The following ARFGEF2 variants were observed in gnomAD, a reference collection of about 807,000 sequenced individuals.
The protein encoded by ARFGEF2 is ARF guanine nucleotide exchange factor 2.
ARFGEF2 carries 74 observed loss-of-function variants against 219.9 expected under a neutral mutation model. That is an observed-to-expected ratio of 0.34 (90% CI 0.28 to 0.41). ARFGEF2 has a LOEUF of 0.41. Among genes scored for constraint, ARFGEF2 ranks in the 10% least tolerant of loss-of-function variants. The pLI is 1.00. For synonymous variants in ARFGEF2, 733 were observed against 799.2 expected (o/e 0.92, Z 1.40); for missense variants, 1,743 against 2,218.3 (o/e 0.79, Z 4.30).
In ARFGEF2 at chr20:49,032,042, C is replaced by T. The variant is rs2091639339; in HGVS notation, c.5064-7C>T. On this transcript the variant is annotated splice_region_variant and splice_polypyrimidine_tract_variant and intron_variant, in intron 37 of 38. Transcript: ENST00000371917. The stretch of plus-strand genomic sequence containing the variant: ...TTGATATGCCTCCCCCTCTCTAATT[C>T]TTCTAGTGTTTGCAGTGAAGCTCTT... 1 of 1,602,284 alleles carries T rather than the reference C, an allele frequency of 6.2e-7. No homozygotes were observed. Among genetic ancestry groups the T allele is most frequent in the South Asian group, 1.1e-5 (1 of 90,832 alleles).
intron 1 of ARFGEF2, among the ~76,000 whole-genome samples, chr20:48,932,133 G>A (rs1789179432): frequency 6.6e-6 from 1 of 152,146 alleles, no homozygotes; most frequent in South Asian, 2.1e-4. Flanking sequence ...GGCGGATAGG[G>A]ATGGGAGGTG....
intron 3 of ARFGEF2, 108 bp downstream of exon 3, chr20:48,942,095 C>T (rs1019784976): frequency 1.1e-5 from 15 of 1,424,762 alleles, no homozygotes; most frequent in South Asian, 1.2e-5. Context: ...CTGTCAGAGG[C>T]GATGCAGAAA....
chr20:49,016,021 T>C (rs1431653718), intron 30 of ARFGEF2, among the ~76,000 whole-genome samples: 2 of 152,228 alleles, frequency 1.3e-5, no homozygotes, highest in Non-Finnish European at 2.9e-5. Context: ...AAAATTTAGC[T>C]TTTAAGTAAC....
intron 5 of ARFGEF2, 105 bp downstream of exon 5, chr20:48,952,989 C>T: frequency 8.4e-7 from 1 of 1,184,828 alleles, no homozygotes; most frequent in South Asian, 1.2e-5. Context: ...TTTAAAGCTA[C>T]CCCTTCTTCC....
chr20:49,006,877 G>GTT (rs763801014), intron 26 of ARFGEF2, among the ~76,000 whole-genome samples: 2 of 147,094 alleles, frequency 1.4e-5, no homozygotes, highest in Non-Finnish European at 3.0e-5. Flanking sequence ...GCCGTTGGAG[G>GTT]TTTTTGTTTT....
At chr20:48,926,029 C>T (rs1014105522) in intron 1 of ARFGEF2, among the ~76,000 whole-genome samples, 2 of 152,176 alleles carry the variant, frequency 1.3e-5, no homozygotes, top group Admixed American at 6.5e-5. Context: ...GTAAAGTGGG[C>T]TTTTCATGCA....
Position 48,972,420 on chromosome 20 carries a change from G to A in ARFGEF2, c.1520G>A (p.Cys507Tyr). Residue 507 changes from cysteine (C) to tyrosine (Y), a missense_variant, in exon 11 of 39, where the codon TGT (cysteine) becomes TAT (tyrosine). Cys to Tyr is a radical substitution (Grantham distance 194, BLOSUM62 -2). Around this residue, in one of 5 missense-constraint regions of ARFGEF2, gnomAD observed 666 missense variants for 955.4 expected, o/e 0.70. Transcript: ENST00000371917. ...GTCATTCAGACTCTGACGAGGATCT[G>A]TGCAGGTATTTCCACCTGGGGACAC... Reference protein sequence around the residue: ...WMVIQTLTRICADAQCVVDIY... With the variant: ...WMVIQTLTRIYADAQCVVDIY... The A allele has an allele frequency of 6.2e-7, 1 of 1,613,048 alleles. No individual in the cohort carries two copies. Among genetic ancestry groups the A allele is most frequent in the Non-Finnish European group, 8.5e-7 (1 of 1,179,048 alleles).
At chr20:48,973,477 AAAAT>A (rs2091241103) in intron 12 of ARFGEF2, among the ~76,000 whole-genome samples, 193 bp downstream of exon 12, 1 of 152,202 alleles carries the variant, frequency 6.6e-6, no homozygotes, top group Non-Finnish European at 1.5e-5. Context: ...GCTGCAGAGA[AAAAT>A]AAAGCAGGGA....
intron 30 of ARFGEF2, 146 bp downstream of exon 30, chr20:49,014,106 TGATAC>T: frequency 9.7e-7 from 1 of 1,027,120 alleles, no homozygotes; most frequent in East Asian, 2.5e-5. Context: ...AACACCTTTC[TGATAC>T]TCTCCTACCA....
intron 27 of ARFGEF2, among the ~76,000 whole-genome samples, 160 bp downstream of exon 27, chr20:49,010,564 C>G (rs1445094243): frequency 1.3e-5 from 2 of 152,170 alleles, no homozygotes; most frequent in Admixed American, 6.6e-5. Flanking sequence ...GAGTATTAAT[C>G]TTGATCTTAA....
intron 3 of ARFGEF2, among the ~76,000 whole-genome samples, chr20:48,950,806 A>AG (rs1226251458): frequency 2.3e-5 from 1 of 43,390 alleles, no homozygotes; most frequent in East Asian, 4.2e-4. Context: ...AAAAAAAAAA[A>AG]AAAAAATATA....
At chr20:48,973,761 G>T (rs952206882) in intron 12 of ARFGEF2, among the ~76,000 whole-genome samples, 1 of 152,110 alleles carries the variant, frequency 6.6e-6, no homozygotes, top group Non-Finnish European at 1.5e-5. Context: ...GAGGGTCTCC[G>T]AGCTCCCTGG....
chr20:48,922,820 C>G (rs969286227), intron 1 of ARFGEF2, among the ~76,000 whole-genome samples: 1 of 152,144 alleles, frequency 6.6e-6, no homozygotes, highest in African/African-American at 2.4e-5. Context: ...TATCAAGTGC[C>G]CACTGCATAC....
chr20:48,922,902 A>G (rs993862631), intron 1 of ARFGEF2, among the ~76,000 whole-genome samples: 1 of 152,188 alleles, frequency 6.6e-6, no homozygotes, highest in African/African-American at 2.4e-5. Context: ...ACTCGAATAG[A>G]GGAGACAAAA....
chr20:48,982,499 A>T (rs2091302661), intron 14 of ARFGEF2, among the ~76,000 whole-genome samples: 1 of 152,194 alleles, frequency 6.6e-6, no homozygotes, highest in Non-Finnish European at 1.5e-5. Context: ...TCAGAGCTCA[A>T]ACACCATGCT....
At chr20:48,923,491 A>C (rs2090856476) in intron 1 of ARFGEF2, among the ~76,000 whole-genome samples, 1 of 152,160 alleles carries the variant, frequency 6.6e-6, no homozygotes. Flanking sequence ...ATAATCTGGA[A>C]ACAGTTGCTA....
intron 37 of ARFGEF2, among the ~76,000 whole-genome samples, chr20:49,029,902 ATTT>A (rs3092436): frequency 8.1e-4 from 79 of 97,742 alleles, no homozygotes; most frequent in Non-Finnish European, 1.0e-3. Context: ...CTAAAAGTGA[ATTT>A]TTTTTTTTTT....
At chr20:48,968,641 C>T (rs2091206114) in intron 8 of ARFGEF2, among the ~76,000 whole-genome samples, 1 of 152,146 alleles carries the variant, frequency 6.6e-6, no homozygotes, top group South Asian at 2.1e-4. Context: ...GGATTACAGG[C>T]GTGAGCCATT....
intron 14 of ARFGEF2, among the ~76,000 whole-genome samples, chr20:48,982,277 A>C (rs551339781): frequency 6.6e-6 from 1 of 152,102 alleles, no homozygotes; most frequent in South Asian, 2.1e-4. Flanking sequence ...CTGGAGGTCC[A>C]CTCCAGACCC....
Sources: allele counts gnomAD v4.1 joint callset (sites outside exome capture counted in the v4.1 genomes callset), GRCh38; gene constraint gnomAD v4.1.1; regional missense constraint gnomAD v4.1.1; transcripts MANE v1.5; gene names NCBI Gene and HGNC (gene_info 2026-07-23, HGNC 2026-07-21).